OR52N2: variants seen among roughly 807,000 people sequenced by gnomAD.
OR52N2 encodes the protein olfactory receptor 52N2.
For missense variants in OR52N2, 326 were observed against 196.6 expected, an observed-to-expected ratio of 1.66 and a Z score of -3.94; for synonymous variants, 129 against 72.0, an observed-to-expected ratio of 1.79 and a Z score of -4.01.
intron 1 of OR52N2, among the ~76,000 whole-genome samples, chr11:5,819,486 A>C (rs1846429079): frequency 6.6e-6 from 1 of 152,206 alleles, no homozygotes; most frequent in South Asian, 2.1e-4. Flanking sequence ...AAAGATAGAG[A>C]AGCCAAATTT....
chr11:5,817,301 A>C (rs1205752280), intron 1 of OR52N2, among the ~76,000 whole-genome samples: 1 of 152,150 alleles, frequency 6.6e-6, no homozygotes, highest in Non-Finnish European at 1.5e-5. Flanking sequence ...TTTAGTAAAA[A>C]GGAAGAAAGG....
intron 1 of OR52N2, among the ~76,000 whole-genome samples, chr11:5,818,646 T>C (rs1182425106): frequency 1.3e-5 from 2 of 152,080 alleles, no homozygotes; most frequent in East Asian, 1.9e-4. Context: ...TAAAAAGTAA[T>C]AGCAGTAAGG....
At chr11:5,820,088 A>G (rs1427442905) in intron 1 of OR52N2, among the ~76,000 whole-genome samples, 194 bp from the exon 2 acceptor site, 1 of 152,200 alleles carries the variant, frequency 6.6e-6, no homozygotes, top group Non-Finnish European at 1.5e-5. Flanking sequence ...AAAGTTTGCA[A>G]TGGCACATTG....
Position 5,816,204 on chromosome 11 carries a change from T to C in OR52N2, c.-54-4078T>C, listed in dbSNP as rs190138470. ...ATGGAGAGTTATTGTTTAATGGGTG[T>C]AGAGTTTCAGTTTGACAGGATGAAA... On this transcript the variant is annotated intron_variant, in intron 1 of 1. Transcript: ENST00000317037. Among the ~76,000 whole-genome samples the C allele has an allele frequency of 4.9e-3, 739 of 152,184 alleles. 1 individual carries two copies. The highest frequency in any genetic ancestry group is 9.1e-3 in the South Asian group (44 of 4,814).
intron 1 of OR52N2, among the ~76,000 whole-genome samples, chr11:5,814,888 A>G (rs931911426): frequency 3.9e-5 from 6 of 152,230 alleles, no homozygotes; most frequent in African/African-American, 1.4e-4. Flanking sequence ...AGACCAATGA[A>G]GTAGAACAGA....
Position 5,820,309 on chromosome 11 carries a change from T to G in OR52N2, c.-27T>G. The G allele has an allele frequency of 1.3e-6, 1 of 776,598 alleles. No individual in the cohort carries two copies. The highest frequency in any genetic ancestry group is 2.4e-6 in the Non-Finnish European group (1 of 416,292). 48.1% of individuals were successfully genotyped at this position (776,598 alleles called of 1,614,324 possible). A position where few individuals can be genotyped will look rare whatever the true frequency, so the allele number is the denominator to read the frequency against. ...AGAAAGCAATGGCTGCTAAAGAGTATAAAATGCTCTCCTCCTGTCAGCCAT... is the reference window on the plus strand; with the variant it reads ...AGAAAGCAATGGCTGCTAAAGAGTAGAAAATGCTCTCCTCCTGTCAGCCAT... On this transcript the variant is annotated 5_prime_UTR_variant, in exon 2 of 2. The change creates a premature stop within an existing upstream ORF in the 5' untranslated region. Coordinates refer to ENST00000317037, the MANE Select transcript of OR52N2 (RefSeq NM_001005174.3).
chr11:5,818,654 AG>A (rs1230852382), intron 1 of OR52N2, among the ~76,000 whole-genome samples: 1 of 152,188 alleles, frequency 6.6e-6, no homozygotes, highest in Non-Finnish European at 1.5e-5. Flanking sequence ...AATAGCAGTA[AG>A]GGGCAATGTT....
rs138568964 is a variant in OR52N2, at chr11:5,821,034, A to G, written c.699A>G (p.Ala233=). The change falls in exon 2 of 2, where the codon GCA becomes GCG. Residue 233 remains alanine, a synonymous_variant. Coordinates refer to ENST00000317037, the MANE Select transcript of OR52N2 (RefSeq NM_001005174.3). ...ILQAVMSLSS[A]DARHKAFSTC... ...AGGCTGTTATGAGCCTGTCATCAGCAGATGCTCGTCACAAAGCCTTCAGCA... is the reference window on the plus strand; with the variant it reads ...AGGCTGTTATGAGCCTGTCATCAGCGGATGCTCGTCACAAAGCCTTCAGCA... 8 of 780,906 alleles carry G rather than the reference A, an allele frequency of 1.0e-5. No individual in the cohort carries two copies. In the African/African-American group the frequency reaches 1.2e-4, roughly 12 times the overall value. The allele number at this position is 780,906 out of a possible 1,614,324, so 48.4% of individuals were successfully genotyped here.
rs751090762 is a variant in OR52N2 at position 5,821,176 on chromosome 11, A to G, written c.841A>G (p.Asn281Asp). The G allele has an allele frequency of 2.6e-6, 2 of 781,058 alleles. No homozygotes were observed. Among genetic ancestry groups the G allele is most frequent in the South Asian group, 2.7e-5 (2 of 74,626 alleles). The allele number at this position is 781,058 out of a possible 1,614,324, so 48.4% of individuals were successfully genotyped here. Residue 281 changes from asparagine (N) to aspartate (D), a missense_variant, in exon 2 of 2, where the codon AAC becomes GAC. Asn to Asp is a conservative substitution (Grantham distance 23). Transcript: ENST00000317037. ...IPNHIHIIVA[N>D]LYLLLPPTMN... is the part of the protein sequence containing the mutation. ...AAACCACATACACATCATCGTGGCC[A>G]ACCTTTATCTGCTACTGCCTCCTAC...
chr11:5,820,715 C>T lies in OR52N2; in HGVS notation c.380C>T (p.Ala127Val), dbSNP rs1487341576. Residue 127 changes from alanine to valine, a missense_variant, in exon 2 of 2, where the codon GCC (alanine) becomes GTC (valine). Ala to Val is a moderately conservative substitution (Grantham distance 64). Transcript: ENST00000317037. ...LMLMALDRYV[A>V]ICYPLRYATI... Reference sequence around the variant, plus strand: ...CTCATGGCCCTGGACCGCTATGTGGCCATCTGCTACCCCTTACGCTATGCC... The same window carrying T: ...CTCATGGCCCTGGACCGCTATGTGGTCATCTGCTACCCCTTACGCTATGCC... 1.3e-6 allele frequency: 1 copy of T among 790,370 alleles called. No individual in the cohort carries two copies. Among genetic ancestry groups the T allele is most frequent in the Admixed American group, 1.7e-5 (1 of 58,910 alleles). The allele number at this position is 790,370 out of a possible 1,614,324, so 49.0% of individuals were successfully genotyped here.
chr11:5,821,141 A>G lies in OR52N2; in HGVS notation c.806A>G (p.His269Arg). 1.3e-6 allele frequency: 1 copy of G among 781,036 alleles called. No individual in the cohort carries two copies. Among genetic ancestry groups the G allele is most frequent in the Non-Finnish European group, 2.4e-6 (1 of 418,120 alleles). 48.4% of individuals were successfully genotyped at this position (781,036 alleles called of 1,614,324 possible). ...TTTTTCACTCATCGTTTTGTAGGAC[A>G]CAATATCCCAAACCACATACACATC... ...FTFFTHRFVG[H>R]NIPNHIHIIV... is the part of the protein sequence containing the mutation. The change falls in exon 2 of 2, where the codon CAC becomes CGC. Residue 269 changes from histidine to arginine, a missense_variant. Transcript: ENST00000317037.
chr11:5,818,873 G>A (rs893166989), intron 1 of OR52N2, among the ~76,000 whole-genome samples: 1 of 152,186 alleles, frequency 6.6e-6, no homozygotes. Context: ...ACATTCTGGA[G>A]AGGTACTGTG....
At chr11:5,811,340 A>G (rs955046586) in intron 1 of OR52N2, among the ~76,000 whole-genome samples, 1 of 152,108 alleles carries the variant, frequency 6.6e-6, no homozygotes, top group Non-Finnish European at 1.5e-5. Context: ...TGAATGTTAA[A>G]AGACAAAATT....
chr11:5,815,621 T>C (rs1371327520), intron 1 of OR52N2, among the ~76,000 whole-genome samples: 1 of 152,092 alleles, frequency 6.6e-6, no homozygotes, highest in Non-Finnish European at 1.5e-5. Context: ...TTGTGCCCTT[T>C]TGGCAAAAAT....
intron 1 of OR52N2, among the ~76,000 whole-genome samples, chr11:5,815,275 A>G (rs1590366327): frequency 6.6e-6 from 1 of 152,106 alleles, no homozygotes; most frequent in African/African-American, 2.4e-5. Flanking sequence ...AAGATTCTAT[A>G]AACAAAGTAA....
Position 5,814,231 on chromosome 11 carries a change from G to A in OR52N2, c.-55+5177G>A, listed in dbSNP as rs185057280. ...AGAAGTAAAATTATCTTTGTTCACC[G>A]TTGAAATGATCTACTATGTAGAAAA... On this transcript the variant is annotated intron_variant, in intron 1 of 1. Coordinates refer to ENST00000317037, the MANE Select transcript of OR52N2 (RefSeq NM_001005174.3). 2.6e-3 allele frequency among the ~76,000 whole-genome samples: 394 copies of A among 152,202 alleles called. 3 individuals carry two copies. Among genetic ancestry groups the A allele is most frequent in the African/African-American group, 9.1e-3 (380 of 41,554 alleles).
At chr11:5,812,761 C>G (rs1846374220) in intron 1 of OR52N2, among the ~76,000 whole-genome samples, 2 of 151,942 alleles carry the variant, frequency 1.3e-5, no homozygotes, top group Admixed American at 1.3e-4. Flanking sequence ...CAAGGAAACA[C>G]TGGACTTGAA....
intron 1 of OR52N2, among the ~76,000 whole-genome samples, chr11:5,810,141 T>G (rs1846345354): frequency 6.6e-6 from 1 of 152,242 alleles, no homozygotes; most frequent in African/African-American, 2.4e-5. Context: ...TCAATCTCCC[T>G]GCCTGAATAG....
chr11:5,810,259 A>AGAGGC (rs1322534528), intron 1 of OR52N2, among the ~76,000 whole-genome samples: 1 of 152,236 alleles, frequency 6.6e-6, no homozygotes, highest in Admixed American at 6.5e-5. Context: ...AGTCTAAATC[A>AGAGGC]GAGGCAAGGC....
Sources: allele counts gnomAD v4.1 joint callset (sites outside exome capture counted in the v4.1 genomes callset), GRCh38; gene constraint gnomAD v4.1.1; transcripts MANE v1.5; gene names NCBI Gene and HGNC (gene_info 2026-07-23, HGNC 2026-07-21).